Variants in ASB4 observed in about 807,000 individuals in gnomAD.
ASB4 encodes the protein ankyrin repeat and SOCS box containing 4.
ASB4 carries 35 observed loss-of-function variants against 38.6 expected under a neutral mutation model. The ratio of observed to expected loss-of-function variants is 0.91; its 90% CI spans 0.69 to 1.20. The LOEUF (loss-of-function observed/expected upper bound fraction) is 1.20, where lower values mean the gene tolerates loss of function less well. Ranked by LOEUF, ASB4 falls within the 50% of genes most tolerant of loss-of-function variation. ASB4 has a pLI of 0.00. For missense variants in ASB4, 557 were observed against 527.2 expected (o/e 1.06, Z -0.55); for synonymous variants, 195 against 201.3 (o/e 0.97, Z 0.26).
upstream of ASB4, among the ~76,000 whole-genome samples, chr7:95,482,521 G>C (rs891556849): frequency 6.6e-5 from 10 of 152,292 alleles, no homozygotes; most frequent in Non-Finnish European, 1.3e-4. Flanking sequence ...CACTTACAAA[G>C]ACAGCCGTTG....
chr7:95,529,456 G>A (rs1790789838), intron 3 of ASB4, among the ~76,000 whole-genome samples: 1 of 152,166 alleles, frequency 6.6e-6, no homozygotes. Context: ...GCAGTGTGAG[G>A]CTTAGTTAGA....
In ASB4 at chr7:95,538,500, T is replaced by C. The variant is rs1422573595; in HGVS notation, c.*741T>C. On this transcript the variant is annotated 3_prime_UTR_variant, in exon 5 of 5. Transcript: ENST00000325885. ...ACACACAGCTAACTGCAATATAAAG[T>C]GATGGGGCAAGAGTACAGGTGCAGA... 2 of 152,074 alleles carry C rather than the reference T, an allele frequency of 1.3e-5. No homozygotes were observed. The highest frequency in any genetic ancestry group is 2.4e-5 in the African/African-American group (1 of 41,406). The allele number at this position is 152,074 out of a possible 1,614,324, so 9.4% of individuals were successfully genotyped here. A position where few individuals can be genotyped will look rare whatever the true frequency, so the allele number is the denominator to read the frequency against.
At chr7:95,482,993 A>C (rs557070820), upstream of ASB4, among the ~76,000 whole-genome samples, 1 of 152,200 alleles carries the variant, frequency 6.6e-6, no homozygotes, top group Admixed American at 6.5e-5. Context: ...GTTCATGTCT[A>C]TTCTGGCCCT....
At chr7:95,532,059 G>A (rs562668879) in intron 3 of ASB4, among the ~76,000 whole-genome samples, 2 of 152,210 alleles carry the variant, frequency 1.3e-5, no homozygotes, top group East Asian at 3.9e-4. Context: ...CCCTCCAAAG[G>A]AAAAGTAAAG....
the ASB4 span, among the ~76,000 whole-genome samples, chr7:95,549,540 G>A: frequency 8.6e-5 from 13 of 151,894 alleles, no homozygotes; most frequent in South Asian, 2.1e-4. Flanking sequence ...TTCGTGATCC[G>A]CCCGCCTTGG....
chr7:95,503,525 G>GTTCATGGT (rs1297969910), intron 2 of ASB4, among the ~76,000 whole-genome samples: 8 of 152,154 alleles, frequency 5.3e-5, no homozygotes, highest in African/African-American at 1.9e-4. Flanking sequence ...AAACTGTGTG[G>GTTCATGGT]TTCATGGTTA....
chr7:95,490,224 G>A (rs1392867385), intron 1 of ASB4, among the ~76,000 whole-genome samples: 2 of 152,114 alleles, frequency 1.3e-5, no homozygotes, highest in Admixed American at 6.5e-5. Flanking sequence ...TCCCAATATT[G>A]TGAAAGCTCT....
intron 2 of ASB4, among the ~76,000 whole-genome samples, chr7:95,515,163 CTTTCTCTTTCTTTCTT>C (rs1472027364): frequency 5.4e-4 from 70 of 129,804 alleles, no homozygotes; most frequent in South Asian, 3.1e-3. Flanking sequence ...CTTTCTTTCT[CTTTCTCTTTCTTTCTT>C]TCTTTCTTTC....
chr7:95,550,171 T>C, the ASB4 span, among the ~76,000 whole-genome samples: 1 of 152,200 alleles, frequency 6.6e-6, no homozygotes, highest in Non-Finnish European at 1.5e-5. Context: ...CACAGCAACG[T>C]ACACAGACTG....
chr7:95,528,367 T>C (rs1562821434), intron 3 of ASB4, 64 bp downstream of exon 3: 2 of 1,605,628 alleles, frequency 1.2e-6, no homozygotes, highest in African/African-American at 2.7e-5. Context: ...GTCTGAAATC[T>C]CCAAGTAACT....
chr7:95,486,940 G>A (rs543930040), intron 1 of ASB4, among the ~76,000 whole-genome samples: 49 of 152,282 alleles, frequency 3.2e-4, no homozygotes, highest in Non-Finnish European at 5.1e-4. Context: ...TTAATTGGGG[G>A]AACGTGAGTA....
the ASB4 span, among the ~76,000 whole-genome samples, chr7:95,549,208 G>A: frequency 3.4e-3 from 516 of 152,052 alleles, 2 homozygotes; most frequent in African/African-American, 0.012. Flanking sequence ...TACAGTGCTA[G>A]ACCATATTAA....
At chr7:95,476,117 A>G (rs1246210234), upstream of ASB4, among the ~76,000 whole-genome samples, 3 of 152,188 alleles carry the variant, frequency 2.0e-5, no homozygotes, top group Admixed American at 2.0e-4. Context: ...GCCTTATTGT[A>G]TAACCAGTAT....
chr7:95,499,969 G>A (rs954573056), intron 2 of ASB4, among the ~76,000 whole-genome samples: 1 of 146,394 alleles, frequency 6.8e-6, no homozygotes, highest in Non-Finnish European at 1.5e-5. Flanking sequence ...TGCCTCCCGG[G>A]TTCACGCCAT....
At chr7:95,517,800 G>A (rs570568984) in intron 2 of ASB4, among the ~76,000 whole-genome samples, 1 of 152,198 alleles carries the variant, frequency 6.6e-6, no homozygotes, top group Admixed American at 6.5e-5. Flanking sequence ...GACAGTGGAT[G>A]TGGAAAACAG....
At chr7:95,547,348 T>A in the ASB4 span, among the ~76,000 whole-genome samples, 1 of 152,320 alleles carries the variant, frequency 6.6e-6, no homozygotes, top group Non-Finnish European at 1.5e-5. Context: ...TCACCATGGG[T>A]TAGGTTTACT....
the ASB4 span, among the ~76,000 whole-genome samples, chr7:95,545,928 C>A: frequency 6.6e-6 from 1 of 152,184 alleles, no homozygotes; most frequent in Non-Finnish European, 1.5e-5. Context: ...GACATCTCCA[C>A]CGGTATGGTC....
chr7:95,482,498 G>C (rs1300090707), upstream of ASB4, among the ~76,000 whole-genome samples: 1 of 152,194 alleles, frequency 6.6e-6, no homozygotes, highest in Non-Finnish European at 1.5e-5. Flanking sequence ...TCAGCTTTAA[G>C]TCTCAATGCA....
chr7:95,496,058 G>A lies in ASB4; in HGVS notation c.487+1G>A. On this transcript the variant is annotated splice_donor_variant, in intron 2 of 4. Coordinates refer to ENST00000325885, the MANE Select transcript of ASB4 (RefSeq NM_016116.3). LOFTEE classifies it high-confidence loss of function. ...TGTGCCAAGCAATTGGTTTGGAGAG[G>A]TAAGCCTTTCTGGGTGGCCAACATT... is the stretch of plus-strand genomic sequence containing the variant. 1 of 1,608,538 alleles carries A rather than the reference G, an allele frequency of 6.2e-7. No homozygotes were observed. Among genetic ancestry groups the A allele is most frequent in the Non-Finnish European group, 8.5e-7 (1 of 1,175,854 alleles).
Sources: gnomAD v4.1 joint callset for allele counts (sites outside exome capture counted in the v4.1 genomes callset) on GRCh38, gnomAD v4.1.1 for gene constraint, MANE v1.5 for transcripts, NCBI Gene and HGNC (gene_info 2026-07-23, HGNC 2026-07-21) for gene names.